The following CNNM2 variants were observed in gnomAD, a reference collection of about 807,000 sequenced individuals.
CNNM2 encodes cyclin and CBS domain divalent metal cation transport mediator 2.
In CNNM2, 12 loss-of-function variants were observed where a neutral mutation model predicts 66.9. The ratio of observed to expected loss-of-function variants is 0.18; its 90% confidence interval spans 0.11 to 0.29. The LOEUF is 0.29. CNNM2 is among the 10% of genes least tolerant of loss of function. The pLI is 1.00. For missense variants in CNNM2, 705 were observed against 1,167.7 expected (o/e 0.60, Z 5.77); for synonymous variants, 557 against 501.8 (o/e 1.11, Z -1.47).
intron 1 of CNNM2, among the ~76,000 whole-genome samples, chr10:102,961,381 A>C (rs1185171437): frequency 1.3e-5 from 2 of 152,230 alleles, no homozygotes; most frequent in African/African-American, 4.8e-5. Context: ...TTATGAGATG[A>C]AGCTGAGAAT....
chr10:102,994,477 C>T (rs1238241810), intron 1 of CNNM2, among the ~76,000 whole-genome samples: 1 of 152,348 alleles, frequency 6.6e-6, no homozygotes, highest in East Asian at 1.9e-4. Context: ...ACAAAACAGA[C>T]AAAGCTCACT....
chr10:103,074,302 A>AAAACG, intron 6 of CNNM2, among the ~76,000 whole-genome samples: 1 of 152,254 alleles, frequency 6.6e-6, no homozygotes, highest in South Asian at 2.1e-4. Flanking sequence ...AAAACAAAAC[A>AAAACG]AAAGGGTACC....
intron 1 of CNNM2, among the ~76,000 whole-genome samples, chr10:102,969,988 G>A (rs1307464707): frequency 6.6e-6 from 1 of 152,160 alleles, no homozygotes; most frequent in East Asian, 1.9e-4. Context: ...ATTTTTGTAT[G>A]TGAAGAATCC....
intron 1 of CNNM2, among the ~76,000 whole-genome samples, chr10:102,968,967 G>A (rs2063509065): frequency 7.2e-6 from 1 of 138,548 alleles, no homozygotes; most frequent in Non-Finnish European, 1.5e-5. Flanking sequence ...AGGCTAGAAT[G>A]CAGTGGAATG....
intron 1 of CNNM2, among the ~76,000 whole-genome samples, chr10:103,009,004 C>T (rs376442787): frequency 1.3e-4 from 20 of 151,756 alleles, no homozygotes; most frequent in African/African-American, 4.4e-4. Flanking sequence ...TGGCCAGACA[C>T]GGTGGCCCAC....
chr10:103,059,401 T>C (rs1257727584), intron 4 of CNNM2, among the ~76,000 whole-genome samples: 1 of 152,190 alleles, frequency 6.6e-6, no homozygotes, highest in African/African-American at 2.4e-5. Context: ...AGGAATATAA[T>C]TGTAAATAGA....
chr10:103,022,447 T>G (rs1462554741), intron 1 of CNNM2, among the ~76,000 whole-genome samples: 1 of 152,168 alleles, frequency 6.6e-6, no homozygotes, highest in Admixed American at 6.5e-5. Flanking sequence ...CTGGATCCAG[T>G]GATGTTAGAA....
intron 1 of CNNM2, among the ~76,000 whole-genome samples, chr10:103,008,219 TG>T (rs932126201): frequency 2.6e-5 from 4 of 152,160 alleles, no homozygotes; most frequent in African/African-American, 7.2e-5. Context: ...AAATTACTAT[TG>T]GGCAGGGGGC....
In CNNM2 at chr10:103,089,476, G is replaced by T; in HGVS notation, c.*12296G>T. On this transcript the variant is annotated 3_prime_UTR_variant, in exon 8 of 8. Coordinates refer to ENST00000369878, the MANE Select transcript of CNNM2 (RefSeq NM_017649.5). ...CTAATACAGACTCCATTACAATTTTGGACCATCTGCAGAGAGTACAGATAC... is the reference window on the plus strand; with the variant it reads ...CTAATACAGACTCCATTACAATTTTTGACCATCTGCAGAGAGTACAGATAC... The T allele has an allele frequency of 3.4e-6, 3 of 887,952 alleles. No individual in the cohort carries two copies. Among genetic ancestry groups the T allele is most frequent in the Non-Finnish European group, 4.7e-6 (3 of 636,776 alleles). The allele number at this position is 887,952 out of a possible 1,614,324, so 55.0% of individuals were successfully genotyped here. A position where few individuals can be genotyped will look rare whatever the true frequency, so the allele number is the denominator to read the frequency against.
rs542119823 is a variant in CNNM2 at position 103,042,364 on chromosome 10, C to T, written c.1622-7343C>T. Among the ~76,000 whole-genome samples, 3 of 152,342 alleles carry T rather than the reference C, an allele frequency of 2.0e-5. No homozygotes were observed. The East Asian group carries it at 5.8e-4, about 29-fold the overall frequency. On this transcript the variant is annotated intron_variant, in intron 1 of 7. Coordinates refer to ENST00000369878, the MANE Select transcript of CNNM2 (RefSeq NM_017649.5). ...TTTCCCAGGGCTATTCTCCTCCCAC[C>T]TGCTGCCAGGCCTTTCCCTGGCCAT...
At chr10:103,034,012 C>G (rs1590430692) in intron 1 of CNNM2, among the ~76,000 whole-genome samples, 1 of 151,432 alleles carries the variant, frequency 6.6e-6, no homozygotes, top group Non-Finnish European at 1.5e-5. Context: ...TTCACCCTTT[C>G]ATTTTTTTTT....
intron 5 of CNNM2, 47 bp downstream of exon 5, chr10:103,068,769 G>T (rs1216194352): frequency 7.1e-7 from 1 of 1,413,368 alleles, no homozygotes; most frequent in Non-Finnish European, 9.8e-7. Context: ...GTGTTAGGAA[G>T]TAAGGCCCCT....
intron 5 of CNNM2, among the ~76,000 whole-genome samples, 167 bp downstream of exon 5, chr10:103,068,889 A>G (rs1232632294): frequency 6.6e-6 from 1 of 152,174 alleles, no homozygotes. Flanking sequence ...AATCCTAAGT[A>G]TATACCTCCA....
chr10:102,959,676 A>C (rs888630497), intron 1 of CNNM2, among the ~76,000 whole-genome samples: 1 of 152,182 alleles, frequency 6.6e-6, no homozygotes, highest in African/African-American at 2.4e-5. Flanking sequence ...TTCTGGGCTC[A>C]AGGAATCCTC....
At chr10:103,057,323 G>A (rs1420630988) in intron 4 of CNNM2, among the ~76,000 whole-genome samples, 1 of 152,038 alleles carries the variant, frequency 6.6e-6, no homozygotes, top group Non-Finnish European at 1.5e-5. Flanking sequence ...TTAAAAATGA[G>A]CTGGATGTGG....
Position 103,030,713 on chromosome 10 carries a change from G to C in CNNM2, c.1622-18994G>C, listed in dbSNP as rs550522652. Among the ~76,000 whole-genome samples the C allele has an allele frequency of 1.0e-3, 157 of 152,170 alleles. 1 individual carries two copies. Among genetic ancestry groups the C allele is most frequent in the African/African-American group, 2.9e-3 (121 of 41,550 alleles). ...ACAGAGTGAGGCTCCCTCTTGGCAG[G>C]GGGGGAAGTCGATATTTAGGAGGCA... On this transcript the variant is annotated intron_variant, in intron 1 of 7. Coordinates refer to ENST00000369878, the MANE Select transcript of CNNM2 (RefSeq NM_017649.5).
intron 1 of CNNM2, among the ~76,000 whole-genome samples, chr10:102,956,833 AG>A (rs1847059288): frequency 6.7e-6 from 1 of 149,844 alleles, no homozygotes; most frequent in African/African-American, 2.4e-5. Flanking sequence ...GGTGGGGGGC[AG>A]GGGGAGGGAT....
Position 103,054,362 on chromosome 10 carries a change from G to T in CNNM2, c.1799G>T (p.Arg600Leu). The change falls in exon 3 of 8, where the codon CGG (arginine) becomes CTG (leucine). Residue 600 changes from arginine to leucine, a missense_variant. Transcript: ENST00000369878. The surrounding 1 kb of genome is among the most constrained non-coding windows in gnomAD (Gnocchi z 5.2). The stretch of plus-strand genomic sequence containing the variant: ...AGAACGAAAAAGAAAGTGGCTCACC[G>T]GGAACGAAAGCAAGATTTTTCTGCC... The part of the protein sequence containing the change: ...DNRTKKKVAH[R>L]ERKQDFSAFK... 1 of 1,613,758 alleles carries T rather than the reference G, an allele frequency of 6.2e-7. No individual in the cohort carries two copies. Among genetic ancestry groups the T allele is most frequent in the Non-Finnish European group, 8.5e-7 (1 of 1,179,852 alleles).
intron 1 of CNNM2, among the ~76,000 whole-genome samples, chr10:102,973,518 G>GTT (rs34757632): frequency 2.3e-4 from 32 of 140,176 alleles, no homozygotes; most frequent in African/African-American, 7.3e-4. Flanking sequence ...GTGTGTGTGT[G>GTT]TTTTTTTTTT....
Sources: gnomAD v4.1 joint callset for allele counts (sites outside exome capture counted in the v4.1 genomes callset) on GRCh38, gnomAD v4.1.1 for gene constraint, Gnocchi (gnomAD v3.1) non-coding constraint, MANE v1.5 for transcripts, NCBI Gene and HGNC (gene_info 2026-07-23, HGNC 2026-07-21) for gene names.